The following SRBD1 variants were observed in gnomAD, a reference collection of about 807,000 sequenced individuals.
SRBD1 encodes S1 RNA-binding domain-containing protein 1.
Under a neutral mutation model 115.3 loss-of-function variants are expected in SRBD1, and 88 were observed. The ratio of observed to expected loss-of-function variants is 0.76; its 90% CI spans 0.64 to 0.91. SRBD1 has a LOEUF of 0.91. SRBD1 is among the 40% of genes least tolerant of loss of function. SRBD1 has a pLI of 0.00. For missense variants in SRBD1, 1,385 were observed against 1,177.4 expected, an observed-to-expected ratio of 1.18 and a Z score of -2.58; for synonymous variants, 509 against 407.7, an observed-to-expected ratio of 1.25 and a Z score of -2.99.
intron 7 of SRBD1, among the ~76,000 whole-genome samples, chr2:45,577,673 G>A (rs545014436): frequency 1.3e-5 from 2 of 151,936 alleles, no homozygotes; most frequent in South Asian, 4.2e-4. Context: ...AAAAAAAACT[G>A]AACTATCTGG....
At chr2:45,390,869 G>T (rs944543043) in intron 20 of SRBD1, among the ~76,000 whole-genome samples, 1 of 152,046 alleles carries the variant, frequency 6.6e-6, no homozygotes, top group Non-Finnish European at 1.5e-5. Flanking sequence ...AAATGAGTAC[G>T]CTAAAATTGG....
chr2:45,436,484 A>AC (rs1668503086), intron 16 of SRBD1, among the ~76,000 whole-genome samples: 2 of 152,094 alleles, frequency 1.3e-5, no homozygotes, highest in African/African-American at 4.8e-5. Context: ...AGAACTTCCT[A>AC]TGACTGGGTA....
chr2:45,572,230 G>A (rs1673041026), intron 9 of SRBD1, among the ~76,000 whole-genome samples: 1 of 152,018 alleles, frequency 6.6e-6, no homozygotes, highest in Non-Finnish European at 1.5e-5. Context: ...GGTATATTTA[G>A]TATTAAAAGG....
intron 14 of SRBD1, among the ~76,000 whole-genome samples, chr2:45,498,379 A>G (rs1355999910): frequency 6.6e-6 from 1 of 152,142 alleles, no homozygotes; most frequent in Non-Finnish European, 1.5e-5. Context: ...TCTGAAACAG[A>G]AAGTTGTGTG....
At chr2:45,459,729 T>A (rs1669258819) in intron 16 of SRBD1, among the ~76,000 whole-genome samples, 2 of 152,196 alleles carry the variant, frequency 1.3e-5, no homozygotes, top group African/African-American at 4.8e-5. Flanking sequence ...ATCGGTATCC[T>A]TATCTTATTT....
At chr2:45,542,536 A>C (rs1558466025) in intron 14 of SRBD1, among the ~76,000 whole-genome samples, 1 of 152,222 alleles carries the variant, frequency 6.6e-6, no homozygotes, top group Non-Finnish European at 1.5e-5. Context: ...GTGTCTTCCC[A>C]GCAGCTGCTC....
intron 4 of SRBD1, among the ~76,000 whole-genome samples, chr2:45,594,190 A>T (rs1673818430): frequency 6.6e-6 from 1 of 152,144 alleles, no homozygotes; most frequent in Non-Finnish European, 1.5e-5. Flanking sequence ...AATGTTGACC[A>T]CTTTTTGTCT....
chr2:45,481,532 C>T (rs1042735711), intron 15 of SRBD1, among the ~76,000 whole-genome samples: 1 of 151,940 alleles, frequency 6.6e-6, no homozygotes. Context: ...GAATAAATGA[C>T]GAGGACAGCA....
chr2:45,418,688 C>CAAA, intron 17 of SRBD1, 147 bp from the exon 18 acceptor site: 4 of 341,520 alleles, frequency 1.2e-5, no homozygotes, highest in South Asian at 9.1e-5. Context: ...AAAAAAAAAA[C>CAAA]AAAAAAAAAA....
At chr2:45,597,874 T>C (rs1673953644) in intron 4 of SRBD1, among the ~76,000 whole-genome samples, 1 of 152,220 alleles carries the variant, frequency 6.6e-6, no homozygotes, top group African/African-American at 2.4e-5. Flanking sequence ...ATAGAATAAG[T>C]AGCTCTTTAC....
At chr2:45,404,799 A>G in intron 19 of SRBD1, among the ~76,000 whole-genome samples, 1 of 152,030 alleles carries the variant, frequency 6.6e-6, no homozygotes. Context: ...GTAGCCTCCC[A>G]ATGCCCTTTT....
intron 19 of SRBD1, among the ~76,000 whole-genome samples, chr2:45,406,793 G>A (rs1667450854): frequency 6.6e-6 from 1 of 151,886 alleles, no homozygotes; most frequent in Admixed American, 6.6e-5. Flanking sequence ...ACAGGGTAAT[G>A]TTTCCTTGAA....
chr2:45,544,396 C>T, intron 14 of SRBD1, among the ~76,000 whole-genome samples: 1 of 152,150 alleles, frequency 6.6e-6, no homozygotes, highest in Non-Finnish European at 1.5e-5. Flanking sequence ...AGGTAAGTAA[C>T]ATTTCCAAAG....
intron 14 of SRBD1, among the ~76,000 whole-genome samples, chr2:45,535,335 G>C (rs1201917626): frequency 6.6e-6 from 1 of 151,976 alleles, no homozygotes; most frequent in Non-Finnish European, 1.5e-5. Context: ...AAATGAAATA[G>C]GTTAAGACCA....
chr2:45,573,586 T>C (rs1173716251), intron 8 of SRBD1, among the ~76,000 whole-genome samples: 1 of 152,138 alleles, frequency 6.6e-6, no homozygotes, highest in African/African-American at 2.4e-5. Flanking sequence ...CCTAAATGAA[T>C]TCAGAAACCA....
At chr2:45,470,261 C>A (rs935274154) in intron 16 of SRBD1, among the ~76,000 whole-genome samples, 1 of 151,966 alleles carries the variant, frequency 6.6e-6, no homozygotes, top group Non-Finnish European at 1.5e-5. Context: ...AGAATTGATT[C>A]CACAGAGCAG....
intron 14 of SRBD1, among the ~76,000 whole-genome samples, chr2:45,496,767 G>A (rs1012430610): frequency 3.3e-5 from 5 of 152,024 alleles, no homozygotes; most frequent in African/African-American, 9.7e-5. Context: ...ACCTCAGCAG[G>A]AGTCACCACT....
chr2:45,535,804 T>C (rs1453418526), intron 14 of SRBD1, among the ~76,000 whole-genome samples: 2 of 152,100 alleles, frequency 1.3e-5, no homozygotes, highest in Non-Finnish European at 2.9e-5. Context: ...ATTATGATAT[T>C]ATCTAGAAGC....
intron 20 of SRBD1, among the ~76,000 whole-genome samples, chr2:45,392,731 C>T (rs1222110608): frequency 2.0e-5 from 3 of 152,192 alleles, no homozygotes; most frequent in African/African-American, 7.2e-5. Flanking sequence ...ACACAGTGAA[C>T]AAGGGGTCCA....
Sources: allele counts gnomAD v4.1 joint callset (sites outside exome capture counted in the v4.1 genomes callset), GRCh38; gene constraint gnomAD v4.1.1; transcripts MANE v1.5; gene names NCBI Gene and HGNC (gene_info 2026-07-23, HGNC 2026-07-21).